The following NLGN4X variants were observed in gnomAD, a reference collection of about 807,000 sequenced individuals.
NLGN4X encodes the protein neuroligin-4, X-linked.
Under a neutral mutation model 40.3 loss-of-function variants are expected in NLGN4X, and 3 were observed. The ratio of observed to expected loss-of-function variants is 0.07; its 90% CI spans 0.03 to 0.19. The LOEUF (loss-of-function observed/expected upper bound fraction) is 0.19, where lower values mean the gene tolerates loss of function less well. Ranked by LOEUF, NLGN4X falls within the 10% of genes least tolerant of loss-of-function variation. The pLI, the probability that NLGN4X is intolerant of heterozygous loss-of-function variation, is 1.00. For missense variants in NLGN4X, 382 were observed against 708.3 expected, an observed-to-expected ratio of 0.54 and a Z score of 5.23; for synonymous variants, 270 against 306.8, an observed-to-expected ratio of 0.88 and a Z score of 1.25.
intron 3 of NLGN4X, among the ~76,000 whole-genome samples, chrX:6,024,084 T>C (rs1164367377): frequency 1.8e-5 from 2 of 112,209 alleles, no homozygotes; most frequent in Non-Finnish European, 3.8e-5. Flanking sequence ...GATTCAGTAA[T>C]GGCCTTACAG....
Position 5,903,670 on chromosome X carries a change from G to A in NLGN4X, c.1008C>T (p.Tyr336=). 8.3e-7 allele frequency: 1 copy of A among 1,212,070 alleles called. No individual in the cohort carries two copies. The highest frequency in any genetic ancestry group is 2.3e-4 in the Middle Eastern group (1 of 4,356). The part of the protein sequence containing the change: ...LIQQTITPAT[Y]HIAFGPVIDG... Reference sequence around the variant, plus strand: ...CGATCACCGGCCCGAAGGCTATGTGGTAGGTGGCCGGGGTGATGGTCTGCT... The same window carrying A: ...CGATCACCGGCCCGAAGGCTATGTGATAGGTGGCCGGGGTGATGGTCTGCT... Residue 336 remains tyrosine (Y), a synonymous_variant, in exon 5 of 6, where the codon TAC becomes TAT. Coordinates refer to ENST00000381095, the MANE Select transcript of NLGN4X (RefSeq NM_181332.3).
At chrX:6,044,196 C>T (rs1488546183) in intron 2 of NLGN4X, among the ~76,000 whole-genome samples, 1 of 111,505 alleles carries the variant, frequency 9.0e-6, no homozygotes, top group Non-Finnish European at 1.9e-5. Flanking sequence ...GGTGGGAGGA[C>T]TGCTTGAGTC....
intron 3 of NLGN4X, among the ~76,000 whole-genome samples, chrX:5,984,564 G>A (rs1314337136): frequency 1.8e-5 from 2 of 111,217 alleles, no homozygotes; most frequent in African/African-American, 3.3e-5. Flanking sequence ...AACCCCTAAT[G>A]GTATCACAGT....
At chrX:6,163,704 T>A (rs1021358349) in intron 1 of NLGN4X, among the ~76,000 whole-genome samples, 1 of 111,706 alleles carries the variant, frequency 9.0e-6, no homozygotes, top group Non-Finnish European at 1.9e-5. Flanking sequence ...GGGGTAAGCA[T>A]TGACATTCAA....
At chrX:6,014,660 A>G (rs2036346989) in intron 3 of NLGN4X, among the ~76,000 whole-genome samples, 1 of 111,971 alleles carries the variant, frequency 8.9e-6, no homozygotes, top group Admixed American at 9.5e-5. Flanking sequence ...GCATTAATGG[A>G]ACTGATAAGT....
intron 2 of NLGN4X, among the ~76,000 whole-genome samples, chrX:6,095,168 T>A (rs1341275356): frequency 4.7e-5 from 5 of 107,427 alleles, no homozygotes; most frequent in Non-Finnish European, 9.6e-5. Flanking sequence ...GCAATGTTGC[T>A]AAGTGCATAA....
chrX:5,900,925 C>T (rs1415892375), intron 5 of NLGN4X, among the ~76,000 whole-genome samples: 1 of 111,137 alleles, frequency 9.0e-6, no homozygotes, highest in Admixed American at 9.6e-5. Context: ...TCCCAACAAA[C>T]TAATAAACAA....
chrX:6,088,899 G>T (rs959722333), intron 2 of NLGN4X, among the ~76,000 whole-genome samples: 7 of 111,733 alleles, frequency 6.3e-5, no homozygotes, highest in African/African-American at 2.3e-4. Flanking sequence ...TGGCATCCTT[G>T]TCTTGACCAT....
chrX:5,926,945 TATC>T (rs2033351811), intron 3 of NLGN4X, among the ~76,000 whole-genome samples: 1 of 99,840 alleles, frequency 1.0e-5, no homozygotes, highest in African/African-American at 3.9e-5. Flanking sequence ...TCTATCTATC[TATC>T]TATCTATCTA....
chrX:6,145,906 T>C (rs1379951774), intron 2 of NLGN4X, among the ~76,000 whole-genome samples: 1 of 110,058 alleles, frequency 9.1e-6, no homozygotes, highest in Admixed American at 9.7e-5. Context: ...GAGGATCACT[T>C]GAACCCAAGA....
At chrX:6,073,681 A>C (rs2038123840) in intron 2 of NLGN4X, among the ~76,000 whole-genome samples, 1 of 111,331 alleles carries the variant, frequency 9.0e-6, no homozygotes, top group Non-Finnish European at 1.9e-5. Context: ...TAGATCATAT[A>C]TAAGATACTG....
At chrX:5,970,378 G>A (rs2034990014) in intron 3 of NLGN4X, among the ~76,000 whole-genome samples, 1 of 111,297 alleles carries the variant, frequency 9.0e-6, no homozygotes, top group Admixed American at 9.6e-5. Context: ...ATTCCCTGCA[G>A]GACTCTAAGC....
At chrX:6,033,839 T>C (rs1203914222) in intron 2 of NLGN4X, among the ~76,000 whole-genome samples, 1 of 112,213 alleles carries the variant, frequency 8.9e-6, no homozygotes, top group African/African-American at 3.2e-5. Context: ...ATTGGCTCCA[T>C]TGCTTCCTTC....
intron 2 of NLGN4X, among the ~76,000 whole-genome samples, chrX:6,060,824 C>T (rs2037750524): frequency 8.9e-6 from 1 of 111,972 alleles, no homozygotes; most frequent in South Asian, 3.7e-4. Context: ...ACCCATCAAA[C>T]TCCATCAACT....
At position 6,135,579 on chromosome X, in the gene NLGN4X, A is replaced by G. The variant is rs887885037; in HGVS notation, c.472+15416T>C. Among the ~76,000 whole-genome samples the G allele has an allele frequency of 8.1e-5, 9 of 111,342 alleles. No homozygotes were observed. In the East Asian group the frequency reaches 2.6e-3, roughly 32 times the overall value. On this transcript the variant is annotated intron_variant, in intron 2 of 5. Transcript: ENST00000381095. ...ACCCTAAGCCTACTGGACTTACCCA[A>G]TCTCTTCTCATTTCTGAAGAGTATA...
intron 1 of NLGN4X, among the ~76,000 whole-genome samples, chrX:6,195,901 G>A (rs1291132239): frequency 9.0e-6 from 1 of 110,929 alleles, no homozygotes; most frequent in Non-Finnish European, 1.9e-5. Context: ...TGATCCCCCT[G>A]CCTCTCAGCC....
intron 1 of NLGN4X, among the ~76,000 whole-genome samples, chrX:6,226,233 C>G (rs1346467171): frequency 1.8e-5 from 2 of 109,525 alleles, no homozygotes; most frequent in Non-Finnish European, 3.8e-5. Context: ...CCCGCCATCC[C>G]CGAGATAGCA....
intron 2 of NLGN4X, among the ~76,000 whole-genome samples, chrX:6,038,513 C>T (rs1311291400): frequency 1.8e-5 from 2 of 113,107 alleles, no homozygotes; most frequent in African/African-American, 6.4e-5. Flanking sequence ...CGGATTGGAT[C>T]ATTTACCGAT....
At chrX:5,960,513 G>C (rs2034626027) in intron 3 of NLGN4X, among the ~76,000 whole-genome samples, 1 of 111,619 alleles carries the variant, frequency 9.0e-6, no homozygotes, top group Admixed American at 9.5e-5. Flanking sequence ...ATAATGAGCT[G>C]CAGGAAAGCA....
Sources: gnomAD v4.1 joint callset for allele counts (sites outside exome capture counted in the v4.1 genomes callset) on GRCh38, gnomAD v4.1.1 for gene constraint, MANE v1.5 for transcripts, NCBI Gene and HGNC (gene_info 2026-07-23, HGNC 2026-07-21) for gene names.